MKX: variants seen among roughly 807,000 people sequenced by gnomAD.
The protein encoded by MKX is mohawk homeobox, also known as homeobox protein Mohawk.
In MKX, 13 loss-of-function variants were observed where a neutral mutation model predicts 36.0. That is an observed-to-expected ratio of 0.36 (90% CI 0.24 to 0.57). The LOEUF (loss-of-function observed/expected upper bound fraction) is 0.57, where lower values mean the gene tolerates loss of function less well. MKX is among the 20% of genes least tolerant of loss of function. MKX has a pLI of 0.79. For synonymous variants in MKX, 176 were observed against 178.3 expected (o/e 0.99, Z 0.10); for missense variants, 458 against 456.4 (o/e 1.00, Z -0.03).
At chr10:27,732,327 A>C (rs1012764048) in intron 5 of MKX, among the ~76,000 whole-genome samples, 1 of 152,292 alleles carries the variant, frequency 6.6e-6, no homozygotes, top group South Asian at 2.1e-4. Flanking sequence ...ATTTTTCCCT[A>C]GTTATTGGCC....
Position 27,675,136 on chromosome 10 carries a change from G to T in MKX, c.*93C>A. 2 of 1,190,434 alleles carry T rather than the reference G, an allele frequency of 1.7e-6. No individual in the cohort carries two copies. Among genetic ancestry groups the T allele is most frequent in the Non-Finnish European group, 1.2e-6 (1 of 840,820 alleles). The allele number at this position is 1,190,434 out of a possible 1,614,324, so 73.7% of individuals were successfully genotyped here. ...ATTAAAAATAAGAAGAGGTTTGGGA[G>T]AGAGTCATTTTCATCCCTGCTTCGG... On this transcript the variant is annotated 3_prime_UTR_variant, in exon 7 of 7. Transcript: ENST00000419761.
chr10:27,718,460 G>A lies in MKX; in HGVS notation c.838+15996C>T, dbSNP rs1477409729. The A allele has an allele frequency of 3.1e-5, 8 of 257,596 alleles. No individual in the cohort carries two copies. In the East Asian group the frequency reaches 5.6e-4, roughly 18 times the overall value. The allele number at this position is 257,596 out of a possible 1,614,324, so 16.0% of individuals were successfully genotyped here. On this transcript the variant is annotated intron_variant, in intron 5 of 6. Coordinates refer to ENST00000419761, the MANE Select transcript of MKX (RefSeq NM_173576.3). ...CAAAAGGGTAAAAAAGCAATATGAA[G>A]CATATGATATTTAATTTTCCATTAA... is the stretch of plus-strand genomic sequence containing the variant.
At chr10:27,677,652 A>G (rs1252976291) in intron 5 of MKX, among the ~76,000 whole-genome samples, 2 of 152,180 alleles carry the variant, frequency 1.3e-5, no homozygotes, top group African/African-American at 4.8e-5. Context: ...TCTTTTCACA[A>G]CCCTTCACGT....
At chr10:27,720,054 T>C (rs1378926340) in intron 5 of MKX, among the ~76,000 whole-genome samples, 1 of 149,656 alleles carries the variant, frequency 6.7e-6, no homozygotes, top group Admixed American at 6.7e-5. Context: ...AAAGACCAAA[T>C]TATTAATAAT....
At chr10:27,684,806 G>C (rs543227408) in intron 5 of MKX, among the ~76,000 whole-genome samples, 1 of 152,340 alleles carries the variant, frequency 6.6e-6, no homozygotes, top group South Asian at 2.1e-4. Context: ...ACAGACCGGG[G>C]AGCGGGGGGT....
At chr10:27,729,927 C>G (rs1194843877) in intron 5 of MKX, among the ~76,000 whole-genome samples, 2 of 151,660 alleles carry the variant, frequency 1.3e-5, no homozygotes, top group Non-Finnish European at 2.9e-5. Flanking sequence ...GATATTACAC[C>G]GGGGGTCCTT....
At chr10:27,743,109 A>G (rs1448283302) in intron 2 of MKX, 119 bp downstream of exon 2, 53 of 994,726 alleles carry the variant, frequency 5.3e-5, no homozygotes, top group South Asian at 2.3e-5. Context: ...CTGCACTCCC[A>G]GGGAACTCCG....
chr10:27,695,282 C>T (rs1836534078), intron 5 of MKX, among the ~76,000 whole-genome samples: 1 of 152,052 alleles, frequency 6.6e-6, no homozygotes, highest in Non-Finnish European at 1.5e-5. Flanking sequence ...CTTCCCAGGC[C>T]ACCCACAGTG....
At chr10:27,682,662 C>T (rs1047894892) in intron 5 of MKX, among the ~76,000 whole-genome samples, 2 of 152,176 alleles carry the variant, frequency 1.3e-5, no homozygotes, top group Non-Finnish European at 2.9e-5. Context: ...CTCGGATCAT[C>T]AGGCATTAGT....
chr10:27,728,324 C>T (rs1052138483), intron 5 of MKX, among the ~76,000 whole-genome samples: 4 of 152,140 alleles, frequency 2.6e-5, no homozygotes, highest in East Asian at 3.9e-4. Flanking sequence ...CTCTTGATGC[C>T]GCCGTAAGAC....
chr10:27,690,284 T>G (rs1836429184), intron 5 of MKX, among the ~76,000 whole-genome samples: 1 of 55,256 alleles, frequency 1.8e-5, no homozygotes, highest in African/African-American at 6.5e-5. Context: ...GGCCAGAGAT[T>G]CATTTGAGCC....
chr10:27,722,784 C>A lies in MKX; in HGVS notation c.838+11672G>T, dbSNP rs568656323. On this transcript the variant is annotated intron_variant, in intron 5 of 6. Coordinates refer to ENST00000419761, the MANE Select transcript of MKX (RefSeq NM_173576.3). ...TTTGATGTGTATTCCTTCAACCCAG[C>A]CTCTACCCAGACCTTTATGCTGTCA... is the stretch of plus-strand genomic sequence containing the variant. 5.9e-4 allele frequency among the ~76,000 whole-genome samples: 90 copies of A among 152,246 alleles called. 1 individual carries two copies. The highest frequency in any genetic ancestry group is 2.1e-3 in the African/African-American group (88 of 41,540).
intron 5 of MKX, among the ~76,000 whole-genome samples, chr10:27,701,289 T>C (rs890160637): frequency 3.3e-5 from 5 of 151,614 alleles, no homozygotes; most frequent in Non-Finnish European, 7.4e-5. Flanking sequence ...ACTGAAGCGG[T>C]GCACATCACG....
chr10:27,716,098 C>A (rs1836958953), intron 5 of MKX, among the ~76,000 whole-genome samples: 1 of 152,142 alleles, frequency 6.6e-6, no homozygotes, highest in Non-Finnish European at 1.5e-5. Context: ...CTATTTAAGT[C>A]TGTTCCCTCA....
At chr10:27,733,618 C>T (rs914419814) in intron 5 of MKX, among the ~76,000 whole-genome samples, 2 of 152,114 alleles carry the variant, frequency 1.3e-5, no homozygotes, top group Non-Finnish European at 1.5e-5. Flanking sequence ...TTATTTCCAG[C>T]TCTAATATTC....
At chr10:27,718,540 C>T (rs1834297846) in intron 5 of MKX, 1 of 410,796 alleles carries the variant, frequency 2.4e-6, no homozygotes, top group African/African-American at 2.1e-5. Context: ...TTCTTAGCTC[C>T]TTGTTTTTAC....
chr10:27,707,889 C>T (rs1836784605), intron 5 of MKX, among the ~76,000 whole-genome samples: 1 of 152,146 alleles, frequency 6.6e-6, no homozygotes, highest in Non-Finnish European at 1.5e-5. Context: ...AAAAATGCTT[C>T]TGTTTGAAAG....
At chr10:27,699,440 A>G (rs1836613245) in intron 5 of MKX, among the ~76,000 whole-genome samples, 1 of 152,266 alleles carries the variant, frequency 6.6e-6, no homozygotes. Context: ...GAGAATTTCT[A>G]TTGAAAACCA....
At chr10:27,710,827 TTTTGTA>T (rs1042885334) in intron 5 of MKX, among the ~76,000 whole-genome samples, 14 of 151,962 alleles carry the variant, frequency 9.2e-5, no homozygotes, top group African/African-American at 3.1e-4. Context: ...ATGGGCTAAT[TTTTGTA>T]TTTTTAGTAG....
Sources: gnomAD v4.1 joint callset for allele counts (sites outside exome capture counted in the v4.1 genomes callset) on GRCh38, gnomAD v4.1.1 for gene constraint, MANE v1.5 for transcripts, NCBI Gene and HGNC (gene_info 2026-07-23, HGNC 2026-07-21) for gene names.